KATNIP: variants seen among roughly 807,000 people sequenced by gnomAD.
The protein encoded by KATNIP is katanin-interacting protein.
Under a neutral mutation model 174.0 loss-of-function variants are expected in KATNIP, and 126 were observed. The ratio of observed to expected loss-of-function variants is 0.72; its 90% CI spans 0.63 to 0.84. The LOEUF (loss-of-function observed/expected upper bound fraction) is 0.84, where lower values mean the gene tolerates loss of function less well. Among genes scored for constraint, KATNIP ranks in the 40% least tolerant of loss-of-function variants. KATNIP has a pLI of 0.00. For synonymous variants in KATNIP, 810 were observed against 835.7 expected (o/e 0.97, Z 0.53); for missense variants, 1,958 against 2,109.7 (o/e 0.93, Z 1.41).
chr16:27,624,905 C>A (rs572826541), intron 3 of KATNIP, among the ~76,000 whole-genome samples: 1 of 152,216 alleles, frequency 6.6e-6, no homozygotes, highest in African/African-American at 2.4e-5. Flanking sequence ...GAGTCCAGTG[C>A]GGGGGAAGAA....
chr16:27,678,894 T>C (rs1220484713), intron 7 of KATNIP: 2 of 152,258 alleles, frequency 1.3e-5, no homozygotes, highest in African/African-American at 4.8e-5. Context: ...AAACGATTGG[T>C]GAGGGGCAGG....
intron 14 of KATNIP, among the ~76,000 whole-genome samples, chr16:27,726,948 G>A (rs1485347946): frequency 2.0e-5 from 3 of 152,210 alleles, no homozygotes; most frequent in East Asian, 1.9e-4. Context: ...GATCTGATTC[G>A]GAGACAGGCA....
Position 27,740,047 on chromosome 16 carries a change from G to A in KATNIP, c.1750G>A (p.Asp584Asn). Residue 584 changes from aspartate (D) to asparagine (N), a missense_variant, in exon 15 of 28, where the codon GAC becomes AAC. Asp to Asn is a conservative substitution (Grantham distance 23). This residue lies in a region of KATNIP where 1,557 missense variants were observed against 1,617.8 expected (regional missense o/e 0.96). Coordinates refer to ENST00000261588, the MANE Select transcript of KATNIP (RefSeq NM_015202.5). ...RNYWTADGDL[D>N]IGAKNVKLYV... ...TTAAATCTTATGGTTTCAGGATCTTGACATTGGTGCCAAGAACGTGAAGCT... is the reference window on the plus strand; with the variant it reads ...TTAAATCTTATGGTTTCAGGATCTTAACATTGGTGCCAAGAACGTGAAGCT... 1 of 1,610,526 alleles carries A rather than the reference G, an allele frequency of 6.2e-7. No homozygotes were observed. Among genetic ancestry groups the A allele is most frequent in the Non-Finnish European group, 8.5e-7 (1 of 1,177,562 alleles).
intron 20 of KATNIP, among the ~76,000 whole-genome samples, chr16:27,767,509 C>T (rs2082164685): frequency 6.6e-6 from 1 of 152,126 alleles, no homozygotes; most frequent in Non-Finnish European, 1.5e-5. Flanking sequence ...GGCTTGAGCC[C>T]AGGAGTTCTA....
intron 6 of KATNIP, among the ~76,000 whole-genome samples, chr16:27,659,470 A>C (rs1175920442): frequency 6.6e-6 from 1 of 151,582 alleles, no homozygotes; most frequent in Non-Finnish European, 1.5e-5. Context: ...TGATCGCACC[A>C]CTACCCTCCA....
At chr16:27,757,153 C>A (rs150062243) in intron 18 of KATNIP, among the ~76,000 whole-genome samples, 1 of 152,174 alleles carries the variant, frequency 6.6e-6, no homozygotes, top group Non-Finnish European at 1.5e-5. Flanking sequence ...AGTGCAAACA[C>A]AGCTCACTGC....
At chr16:27,589,807 T>C in intron 2 of KATNIP, among the ~76,000 whole-genome samples, 1 of 152,062 alleles carries the variant, frequency 6.6e-6, no homozygotes, top group Non-Finnish European at 1.5e-5. Context: ...TATTTATTTA[T>C]TTTGAGACAG....
intron 2 of KATNIP, among the ~76,000 whole-genome samples, chr16:27,615,269 C>T (rs1057169381): frequency 2.7e-5 from 4 of 150,482 alleles, no homozygotes; most frequent in African/African-American, 7.3e-5. Context: ...GCTGGGAATA[C>T]AGGCATGCAC....
At chr16:27,655,216 ATATATATATATATT>A in intron 6 of KATNIP, among the ~76,000 whole-genome samples, 1 of 113,750 alleles carries the variant, frequency 8.8e-6, no homozygotes, top group African/African-American at 4.1e-5. Context: ...ATATATATAT[ATATATATATATATT>A]TTGTTTGTTT....
intron 2 of KATNIP, among the ~76,000 whole-genome samples, chr16:27,579,232 T>C (rs2090605210): frequency 6.6e-6 from 1 of 152,158 alleles, no homozygotes; most frequent in Non-Finnish European, 1.5e-5. Context: ...GCTGGGGACA[T>C]GTCCCCTTAC....
intron 3 of KATNIP, among the ~76,000 whole-genome samples, chr16:27,619,163 C>G (rs544123644): frequency 6.6e-6 from 1 of 152,252 alleles, no homozygotes; most frequent in Non-Finnish European, 1.5e-5. Flanking sequence ...AATTCAGATG[C>G]TGGGAGTGGC....
At chr16:27,628,894 G>A in intron 4 of KATNIP, 64 bp downstream of exon 4, 3 of 1,531,916 alleles carry the variant, frequency 2.0e-6, no homozygotes, top group Non-Finnish European at 2.7e-6. Flanking sequence ...GGGGCAGGGT[G>A]CAGTGGCTCA....
chr16:27,761,577 CG>C lies in KATNIP; in HGVS notation c.3799del (p.Ala1267ProfsTer5), dbSNP rs751646764. 3.1e-6 allele frequency: 5 copies of C among 1,613,764 alleles called. No individual in the cohort carries two copies. The highest frequency in any genetic ancestry group is 8.5e-7 in the Non-Finnish European group (1 of 1,179,786). ...GCTCCCCGAGTACTCTGACGACTCCCGGGCCCTGGACAAGTAAGTGTCTATC... is the reference window on the plus strand; with the variant it reads ...GCTCCCCGAGTACTCTGACGACTCCCGGCCCTGGACAAGTAAGTGTCTATC... The part of the protein sequence containing the change: ...NELPEYSDDS[R>X]ALDKLIDGTN... On this transcript the variant is annotated frameshift_variant, in exon 19 of 28. Coordinates refer to ENST00000261588, the MANE Select transcript of KATNIP (RefSeq NM_015202.5). LOFTEE classifies it high-confidence loss of function.
Position 27,729,617 on chromosome 16 carries a change from C to T in KATNIP, c.1743+7922C>T, listed in dbSNP as rs542556355. 1.1e-4 allele frequency among the ~76,000 whole-genome samples: 17 copies of T among 152,308 alleles called. 1 individual carries two copies. In the South Asian group the frequency reaches 3.5e-3, roughly 32 times the overall value. Reference sequence around the variant, plus strand: ...CCTTCCTTGACACTTAACCACATATCAAAGCTGCAGGCCTAACCACTGGAT... The same window carrying T: ...CCTTCCTTGACACTTAACCACATATTAAAGCTGCAGGCCTAACCACTGGAT... On this transcript the variant is annotated intron_variant, in intron 14 of 27. Transcript: ENST00000261588.
chr16:27,690,273 T>A (rs2078668547), intron 8 of KATNIP, among the ~76,000 whole-genome samples: 1 of 151,220 alleles, frequency 6.6e-6, no homozygotes, highest in African/African-American at 2.4e-5. Context: ...CCATACTCAT[T>A]CCATGGCACT....
At chr16:27,656,439 A>T (rs1297460392) in intron 6 of KATNIP, among the ~76,000 whole-genome samples, 4 of 150,812 alleles carry the variant, frequency 2.7e-5, no homozygotes, top group African/African-American at 7.3e-5. Context: ...AAAAAAAAAA[A>T]AGGAAGAAAA....
intron 8 of KATNIP, among the ~76,000 whole-genome samples, chr16:27,693,198 T>A (rs546067988): frequency 6.6e-6 from 1 of 152,306 alleles, no homozygotes; most frequent in South Asian, 2.1e-4. Flanking sequence ...CCATGTTTGC[T>A]TTACTTTCTC....
intron 8 of KATNIP, among the ~76,000 whole-genome samples, chr16:27,696,225 ATAT>A: frequency 6.6e-6 from 1 of 152,252 alleles, no homozygotes; most frequent in Non-Finnish European, 1.5e-5. Flanking sequence ...AAAAGCAATA[ATAT>A]TGCAAAATAC....
At chr16:27,683,445 T>C (rs573146950) in intron 8 of KATNIP, among the ~76,000 whole-genome samples, 1 of 152,138 alleles carries the variant, frequency 6.6e-6, no homozygotes, top group Admixed American at 6.5e-5. Context: ...CTGGGGACTT[T>C]TTGGTGGGAC....
Sources: allele counts gnomAD v4.1 joint callset (sites outside exome capture counted in the v4.1 genomes callset), GRCh38; gene constraint gnomAD v4.1.1; regional missense constraint gnomAD v4.1.1; transcripts MANE v1.5; gene names NCBI Gene and HGNC (gene_info 2026-07-23, HGNC 2026-07-21).